Variants in GP2 observed in about 807,000 individuals in gnomAD.
GP2 encodes the protein pancreatic secretory granule membrane major glycoprotein GP2.
GP2 carries 58 observed loss-of-function variants against 60.8 expected under a neutral mutation model. The ratio of observed to expected loss-of-function variants is 0.95; its 90% CI spans 0.77 to 1.19. The LOEUF is 1.19. GP2 is among the 50% of genes most tolerant of loss of function. The probability of loss-of-function intolerance (pLI) is 0.00; values close to 1 mark genes in which losing one functional copy is unlikely to be tolerated. For missense variants in GP2, 647 were observed against 667.4 expected (o/e 0.97, Z 0.34); for synonymous variants, 280 against 253.4 (o/e 1.10, Z -1.00).
intron 3 of GP2, chr16:20,323,264 T>A: frequency 1.5e-6 from 1 of 682,628 alleles, no homozygotes; most frequent in Non-Finnish European, 2.7e-6. Context: ...AGGCCATGGA[T>A]GCTGGAGCTA....
intron 1 of GP2, 185 bp downstream of exon 1, chr16:20,327,282 G>A (rs938322403): frequency 5.1e-5 from 18 of 353,666 alleles, no homozygotes; most frequent in Non-Finnish European, 7.1e-5. Flanking sequence ...CTGGAGCATC[G>A]CAGATGACTG....
chr16:20,311,807 T>A lies in GP2; in HGVS notation c.1547-526A>T, dbSNP rs555558514. ...ACTGTCGTCTAAAGACACAGAAGAC[T>A]GGGGACTGTTTGTTACAGCAGCTAG... On this transcript the variant is annotated intron_variant, in intron 10 of 10. Coordinates refer to ENST00000302555, the MANE Select transcript of GP2 (RefSeq NM_001502.4). 2.0e-5 allele frequency among the ~76,000 whole-genome samples: 3 copies of A among 152,238 alleles called. No homozygotes were observed. In the East Asian group the frequency reaches 5.8e-4, roughly 29 times the overall value.
chr16:20,310,977 G>A lies in GP2; in HGVS notation c.*246C>T, dbSNP rs1201324374. 4 of 299,176 alleles carry A rather than the reference G, an allele frequency of 1.3e-5. No individual in the cohort carries two copies. The Admixed American group carries it at 1.8e-4, about 14-fold the overall frequency. 18.5% of individuals were successfully genotyped at this position (299,176 alleles called of 1,614,324 possible). Reference sequence around the variant, plus strand: ...TCAGCATTTTGGCCAGGCTGATTTTGAACTGCTGACCTCAGGTGATCCACC... The same window carrying A: ...TCAGCATTTTGGCCAGGCTGATTTTAAACTGCTGACCTCAGGTGATCCACC... On this transcript the variant is annotated 3_prime_UTR_variant, in exon 11 of 11. Transcript: ENST00000302555.
At chr16:20,319,544 A>G (rs1435593026) in intron 6 of GP2, 76 bp downstream of exon 6, 1 of 1,047,810 alleles carries the variant, frequency 9.5e-7, no homozygotes, top group African/African-American at 1.6e-5. Context: ...TGTGGACATC[A>G]TAGTCTGCAC....
chr16:20,327,032 T>C (rs1964554346), intron 1 of GP2: 1 of 164,166 alleles, frequency 6.1e-6, no homozygotes, highest in African/African-American at 2.4e-5. Flanking sequence ...TGGATGGCAT[T>C]TACTTTTCTG....
At chr16:20,318,953 C>A (rs1964264582) in intron 6 of GP2, among the ~76,000 whole-genome samples, 1 of 152,144 alleles carries the variant, frequency 6.6e-6, no homozygotes, top group Non-Finnish European at 1.5e-5. Context: ...GACGGGCACT[C>A]TGGATTTTTG....
intron 4 of GP2, among the ~76,000 whole-genome samples, chr16:20,321,104 G>A (rs1353120278): frequency 4.8e-5 from 7 of 146,526 alleles, no homozygotes; most frequent in African/African-American, 1.8e-4. Flanking sequence ...AGGCTGGAGT[G>A]CAGTGGTCCA....
chr16:20,311,727 C>T (rs989221689), intron 10 of GP2, among the ~76,000 whole-genome samples: 7 of 152,132 alleles, frequency 4.6e-5, no homozygotes, highest in Admixed American at 6.5e-5. Context: ...GAGCTCCTAA[C>T]GACTACATGG....
chr16:20,320,474 C>T lies in GP2; in HGVS notation c.647-1G>A. 6.2e-7 allele frequency: 1 copy of T among 1,608,222 alleles called. No homozygotes were observed. Among genetic ancestry groups the T allele is most frequent in the Non-Finnish European group, 8.5e-7 (1 of 1,174,942 alleles). On this transcript the variant is annotated splice_acceptor_variant, in intron 4 of 10. Coordinates refer to ENST00000302555, the MANE Select transcript of GP2 (RefSeq NM_001502.4). LOFTEE classifies it high-confidence loss of function. ...AGCTGAGGCTGCAAACTGTGGACAT[C>T]TGCAAAGCAGAGATGAAGGCAAGTA... is the stretch of plus-strand genomic sequence containing the variant.
At position 20,319,661 on chromosome 16, in the gene GP2, G is replaced by A. The variant is rs1267498951; in HGVS notation, c.966C>T (p.Asp322=). ...NINFQCAYPL[D]MKVSLQAALQ... ...AGGCAGCTTGGAGGCTGACTTTCAT[G>A]TCCAGTGGGTAGGCACATTGGAAGT... is the stretch of plus-strand genomic sequence containing the variant. The change falls in exon 6 of 11, where the codon GAC becomes GAT. Residue 322 remains aspartate (D), a synonymous_variant. Coordinates refer to ENST00000302555, the MANE Select transcript of GP2 (RefSeq NM_001502.4). 4 of 1,610,490 alleles carry A rather than the reference G, an allele frequency of 2.5e-6. No individual in the cohort carries two copies. The Admixed American group carries it at 6.7e-5, about 27-fold the overall frequency.
intron 4 of GP2, among the ~76,000 whole-genome samples, chr16:20,322,272 G>T (rs73541260): frequency 0.022 from 3,412 of 152,250 alleles, 115 homozygotes; most frequent in African/African-American, 0.07. Flanking sequence ...ATCTCAGTGG[G>T]AGGCTCATCC....
At chr16:20,311,942 G>A (rs541300367) in intron 10 of GP2, among the ~76,000 whole-genome samples, 26 of 152,276 alleles carry the variant, frequency 1.7e-4, no homozygotes, top group African/African-American at 5.8e-4. Flanking sequence ...CACCTAGCTG[G>A]GCAGTCCCAG....
intron 5 of GP2, among the ~76,000 whole-genome samples, 181 bp from the exon 6 acceptor site, chr16:20,319,949 T>C (rs1596523925): frequency 6.6e-6 from 1 of 152,196 alleles, no homozygotes; most frequent in East Asian, 1.9e-4. Flanking sequence ...GGAAGGCGAA[T>C]GAGGAAACCA....
chr16:20,326,713 C>T (rs572473485), intron 1 of GP2: 8 of 357,146 alleles, frequency 2.2e-5, no homozygotes, highest in African/African-American at 1.3e-4. Context: ...GAAGTAGAGG[C>T]TCTTTGGAGA....
At chr16:20,322,393 G>T (rs1371535590) in intron 4 of GP2, among the ~76,000 whole-genome samples, 3 of 152,128 alleles carry the variant, frequency 2.0e-5, no homozygotes, top group Non-Finnish European at 4.4e-5. Flanking sequence ...TCCTGAGCCT[G>T]CCCAATTGGA....
intron 10 of GP2, among the ~76,000 whole-genome samples, chr16:20,311,772 G>A (rs1339458080): frequency 6.6e-6 from 1 of 152,140 alleles, no homozygotes; most frequent in Non-Finnish European, 1.5e-5. Flanking sequence ...GTGATTTAGT[G>A]GGAAACAATA....
At chr16:20,325,077 A>T (rs1003418681) in intron 2 of GP2, among the ~76,000 whole-genome samples, 3 of 152,238 alleles carry the variant, frequency 2.0e-5, no homozygotes, top group Non-Finnish European at 2.9e-5. Context: ...ATTTTTAAAA[A>T]CAGTTTTAGA....
intron 4 of GP2, among the ~76,000 whole-genome samples, chr16:20,322,591 C>A (rs1450996843): frequency 1.3e-5 from 2 of 152,146 alleles, no homozygotes; most frequent in African/African-American, 4.8e-5. Flanking sequence ...GAATTATCAT[C>A]TTCAGTGTCT....
rs867397938 is a variant in GP2 at position 20,324,105 on chromosome 16, G to A, written c.246C>T (p.Ser82=). 3.7e-6 allele frequency: 6 copies of A among 1,614,100 alleles called. No homozygotes were observed. Among genetic ancestry groups the A allele is most frequent in the South Asian group, 1.1e-5 (1 of 91,078 alleles). ...PFRSTENSAG[S]QGCDKNMSGW... ...CGCTCATGTTTTTATCGCACCCCTG[G>A]GACCCTGCTGAGTTCTCTGTGCTTC... The change falls in exon 3 of 11, where the codon TCC becomes TCT. Residue 82 remains serine, a synonymous_variant. Transcript: ENST00000302555.
Sources: gnomAD v4.1 joint callset for allele counts (sites outside exome capture counted in the v4.1 genomes callset) on GRCh38, gnomAD v4.1.1 for gene constraint, MANE v1.5 for transcripts, NCBI Gene and HGNC (gene_info 2026-07-23, HGNC 2026-07-21) for gene names.